The following FER1L5 variants were observed in gnomAD, a reference collection of about 807,000 sequenced individuals.
FER1L5 encodes fer-1 like family member 5.
A neutral mutation model predicts 279.9 loss-of-function variants in FER1L5; 187 were observed. The ratio of observed to expected loss-of-function variants is 0.67; its 90% CI spans 0.59 to 0.75. FER1L5 has a LOEUF of 0.75. Among genes scored for constraint, FER1L5 ranks in the 30% least tolerant of loss-of-function variants. The probability of loss-of-function intolerance (pLI) is 0.00; values close to 1 mark genes in which losing one functional copy is unlikely to be tolerated. For synonymous variants in FER1L5, 921 were observed against 989.7 expected, an observed-to-expected ratio of 0.93 and a Z score of 1.30; for missense variants, 2,091 against 2,594.4, an observed-to-expected ratio of 0.81 and a Z score of 4.21.
In FER1L5 at chr2:96,698,867, G is replaced by T; in HGVS notation, c.4518+35G>T. ...AGTACCTGCCCCACACAGGTGCCCC[G>T]CACGCTCCCCTCAACCCATCTCTGG... On this transcript the variant is annotated intron_variant, in intron 41 of 52. Coordinates refer to ENST00000624922, the MANE Select transcript of FER1L5 (RefSeq NM_001293083.2). This position sits in a 1 kb window ranked among gnomAD's most constrained non-coding sequence, Gnocchi z 5.5. 1.3e-6 allele frequency: 2 copies of T among 1,551,182 alleles called. No individual in the cohort carries two copies. The highest frequency in any genetic ancestry group is 8.7e-7 in the Non-Finnish European group (1 of 1,146,544).
intron 13 of FER1L5, among the ~76,000 whole-genome samples, 159 bp downstream of exon 13, chr2:96,662,426 G>C (rs1019667159): frequency 6.6e-6 from 1 of 152,106 alleles, no homozygotes; most frequent in Non-Finnish European, 1.5e-5. Context: ...GCAGGCGGAG[G>C]CCACGTCTTA....
chr2:96,692,015 A>AG, intron 30 of FER1L5, 52 bp downstream of exon 30: 1 of 145,974 alleles, frequency 6.9e-6, no homozygotes, highest in Non-Finnish European at 1.1e-5. Flanking sequence ...CCAGTACCCG[A>AG]GGGCGGGGGG....
intron 9 of FER1L5, among the ~76,000 whole-genome samples, chr2:96,660,088 T>C (rs919845238): frequency 6.6e-6 from 1 of 152,178 alleles, no homozygotes; most frequent in Non-Finnish European, 1.5e-5. Context: ...CAGTGCAGTG[T>C]TGAGGAGCTT....
Position 96,691,069 on chromosome 2 carries a change from A to G in FER1L5, c.2744-121A>G. 1.6e-6 allele frequency: 2 copies of G among 1,286,138 alleles called. No homozygotes were observed. Among genetic ancestry groups the G allele is most frequent in the Non-Finnish European group, 2.1e-6 (2 of 958,046 alleles). 79.7% of individuals were successfully genotyped at this position (1,286,138 alleles called of 1,614,324 possible). A position where few individuals can be genotyped will look rare whatever the true frequency, so the allele number is the denominator to read the frequency against. The stretch of plus-strand genomic sequence containing the variant: ...AGCCACACTCTCCTTTCCACACCTC[A>G]GGGCCAGAGACCTGGATGTGAGGGA... On this transcript the variant is annotated intron_variant, in intron 27 of 52. Transcript: ENST00000624922. The surrounding 1 kb of genome is among the most constrained non-coding windows in gnomAD (Gnocchi z 6.0).
rs1558934727 is a variant in FER1L5 at position 96,702,043 on chromosome 2, GGTGA to G, written c.5159+5_5159+8del. 6.2e-7 allele frequency: 1 copy of G among 1,613,942 alleles called. No homozygotes were observed. Among genetic ancestry groups the G allele is most frequent in the South Asian group, 1.1e-5 (1 of 91,076 alleles). On this transcript the variant is annotated splice_donor_variant and splice_donor_region_variant and intron_variant, in intron 46 of 52. Transcript: ENST00000624922. LOFTEE classifies it high-confidence loss of function. The surrounding 1 kb of genome is among the most constrained non-coding windows in gnomAD (Gnocchi z 4.0). Reference sequence around the variant, plus strand: ...AACATCAACCCCAGAAAGCCTAAACGGTGAGTGACAGCCCACTTCCCAACTGCTG... The same window carrying G: ...AACATCAACCCCAGAAAGCCTAAACGGTGACAGCCCACTTCCCAACTGCTG...
At chr2:96,646,945 G>T (rs1179127716) in intron 2 of FER1L5, 119 bp from the exon 3 acceptor site, 2 of 1,012,788 alleles carry the variant, frequency 2.0e-6, no homozygotes, top group South Asian at 1.7e-5. Flanking sequence ...ACATGAGGGA[G>T]GTTCCTCAGT....
intron 14 of FER1L5, 44 bp downstream of exon 14, chr2:96,663,551 A>C: frequency 5.2e-6 from 8 of 1,532,720 alleles, no homozygotes; most frequent in African/African-American, 1.4e-5. Context: ...ACATCCCCTA[A>C]CATAGAAGGG....
chr2:96,699,065 G>T lies in FER1L5; in HGVS notation c.4539G>T (p.Leu1513=), dbSNP rs2077493345. The T allele has an allele frequency of 1.2e-6, 2 of 1,611,374 alleles. No individual in the cohort carries two copies. The highest frequency in any genetic ancestry group is 1.7e-6 in the Non-Finnish European group (2 of 1,178,880). The change falls in exon 42 of 53, where the codon CTG becomes CTT. Residue 1513 remains leucine (L), a synonymous_variant. Coordinates refer to ENST00000624922, the MANE Select transcript of FER1L5 (RefSeq NM_001293083.2). ...YNGLCDPYVI[L]KLGKTELGNR... ...CCCAGTGTGACCCTTATGTGATCCT[G>T]AAACTGGGCAAGACAGAGCTTGGCA...
At chr2:96,654,757 G>A in intron 9 of FER1L5, 1 of 203,918 alleles carries the variant, frequency 4.9e-6, no homozygotes, top group Non-Finnish European at 9.8e-6. Flanking sequence ...AAATTAGCGG[G>A]GTGAGGTGGC....
intron 12 of FER1L5, among the ~76,000 whole-genome samples, 200 bp from the exon 13 acceptor site, chr2:96,662,015 A>T (rs1370314454): frequency 2.0e-5 from 3 of 152,144 alleles, no homozygotes; most frequent in Non-Finnish European, 4.4e-5. Flanking sequence ...GGCCAGATGC[A>T]AACTCAAGGC....
intron 31 of FER1L5, 82 bp from the exon 32 acceptor site, chr2:96,693,424 G>C: frequency 7.2e-7 from 1 of 1,392,968 alleles, no homozygotes. Context: ...GCCCCACTGG[G>C]TCCAGTGGCT....
chr2:96,659,024 C>A (rs940675467), intron 9 of FER1L5, among the ~76,000 whole-genome samples: 1 of 152,086 alleles, frequency 6.6e-6, no homozygotes, highest in African/African-American at 2.4e-5. Context: ...CCGCTCACTG[C>A]AAGCTCCACC....
In FER1L5 at chr2:96,689,437, C is replaced by T. The variant is rs1447395054; in HGVS notation, c.2525+61C>T. ...CACTTCACCTGGGAGGGCCAGTCCG[C>T]GGCAGCCCAGAAAGATGGGTACCTA... is the stretch of plus-strand genomic sequence containing the variant. On this transcript the variant is annotated intron_variant, in intron 25 of 52. Coordinates refer to ENST00000624922, the MANE Select transcript of FER1L5 (RefSeq NM_001293083.2). This position sits in a 1 kb window ranked among gnomAD's most constrained non-coding sequence, Gnocchi z 4.6. 14 of 1,534,336 alleles carry T rather than the reference C, an allele frequency of 9.1e-6. No homozygotes were observed. The highest frequency in any genetic ancestry group is 7.3e-5 in the East Asian group (3 of 40,864).
Position 96,700,946 on chromosome 2 carries a change from C to T in FER1L5, c.5070+475C>T, listed in dbSNP as rs78414907. Among the ~76,000 whole-genome samples the T allele has an allele frequency of 2.4e-3, 365 of 152,340 alleles. 2 individuals carry two copies. Among genetic ancestry groups the T allele is most frequent in the African/African-American group, 8.4e-3 (349 of 41,568 alleles). On this transcript the variant is annotated intron_variant, in intron 45 of 52. Coordinates refer to ENST00000624922, the MANE Select transcript of FER1L5 (RefSeq NM_001293083.2). ...CTCTGCAGCCACCATAATGGCTCAT[C>T]TCATTCTCTAAACTTCTCAAGCTCA...
chr2:96,648,865 C>T (rs1223912411), intron 4 of FER1L5, among the ~76,000 whole-genome samples: 4 of 152,202 alleles, frequency 2.6e-5, no homozygotes, highest in African/African-American at 4.8e-5. Flanking sequence ...ATGCGTTTAT[C>T]GGGATGTGAT....
intron 11 of FER1L5, 80 bp downstream of exon 11, chr2:96,661,520 A>C (rs1314673997): frequency 5.3e-6 from 8 of 1,505,406 alleles, no homozygotes; most frequent in Non-Finnish European, 7.2e-6. Flanking sequence ...CTGGATATTG[A>C]CCATCACATC....
At chr2:96,683,542 G>A (rs532331789) in intron 19 of FER1L5, among the ~76,000 whole-genome samples, 1 of 149,530 alleles carries the variant, frequency 6.7e-6, no homozygotes, top group African/African-American at 2.5e-5. Context: ...AAGGTCCTGG[G>A]GTTTGGGACT....
chr2:96,650,984 A>C (rs906900859), intron 6 of FER1L5, among the ~76,000 whole-genome samples: 2 of 152,146 alleles, frequency 1.3e-5, no homozygotes, highest in Non-Finnish European at 2.9e-5. Flanking sequence ...TGAACCCCCC[A>C]GCCTCCAGCT....
Position 96,702,527 on chromosome 2 carries a change from C to T in FER1L5, c.5256-73C>T, listed in dbSNP as rs2077623794. On this transcript the variant is annotated intron_variant, in intron 47 of 52. Transcript: ENST00000624922. This position sits in a 1 kb window ranked among gnomAD's most constrained non-coding sequence, Gnocchi z 4.0. ...CTCTGCCTGGCGTCGGCTGGGCAGCCCTTCCCATGGGGCTCCAGCTGGGGG... is the reference window on the plus strand; with the variant it reads ...CTCTGCCTGGCGTCGGCTGGGCAGCTCTTCCCATGGGGCTCCAGCTGGGGG... 6.5e-7 allele frequency: 1 copy of T among 1,550,114 alleles called. No individual in the cohort carries two copies. The highest frequency in any genetic ancestry group is 2.4e-5 in the East Asian group (1 of 40,924).
Sources: allele counts gnomAD v4.1 joint callset (sites outside exome capture counted in the v4.1 genomes callset), GRCh38; gene constraint gnomAD v4.1.1; non-coding constraint Gnocchi (gnomAD v3.1); transcripts MANE v1.5; gene names NCBI Gene and HGNC (gene_info 2026-07-23, HGNC 2026-07-21).